SGCZ: variants seen among roughly 807,000 people sequenced by gnomAD.
SGCZ encodes sarcoglycan zeta, also known as zeta-sarcoglycan.
A neutral mutation model predicts 41.3 loss-of-function variants in SGCZ; 40 were observed. The observed-to-expected ratio is 0.97, with a 90% confidence interval of 0.75 to 1.26. The LOEUF (loss-of-function observed/expected upper bound fraction) is 1.26. Among genes scored for constraint, SGCZ ranks in the 50% most tolerant of loss-of-function variants. SGCZ has a pLI of 0.00. For synonymous variants in SGCZ, 206 were observed against 137.5 expected, an observed-to-expected ratio of 1.50 and a Z score of -3.49; for missense variants, 552 against 369.8, an observed-to-expected ratio of 1.49 and a Z score of -4.04.
chr8:14,788,777 A>G lies in SGCZ; in HGVS notation c.40-233851T>C, dbSNP rs1439806971. Among the ~76,000 whole-genome samples, 3 of 152,134 alleles carry G rather than the reference A, an allele frequency of 2.0e-5. No individual in the cohort carries two copies. The East Asian group carries it at 5.8e-4, about 29-fold the overall frequency. On this transcript the variant is annotated intron_variant, in intron 1 of 7. Coordinates refer to ENST00000382080, the MANE Select transcript of SGCZ (RefSeq NM_139167.4). The stretch of plus-strand genomic sequence containing the variant: ...AGAAATAAAGCGCTAGCTTCCTGCC[A>G]GCCTCCCGTTAAAACATTTTTGTGA...
intron 2 of SGCZ, among the ~76,000 whole-genome samples, chr8:14,389,971 G>A (rs1450221953): frequency 1.3e-5 from 2 of 151,876 alleles, no homozygotes; most frequent in Admixed American, 6.6e-5. Flanking sequence ...AAACGAAGAC[G>A]GGGGATTTTT....
At chr8:14,621,559 G>A (rs187704073) in intron 1 of SGCZ, among the ~76,000 whole-genome samples, 1 of 152,208 alleles carries the variant, frequency 6.6e-6, no homozygotes, top group African/African-American at 2.4e-5. Context: ...AGTTCTGCAT[G>A]CTTAACAAGA....
chr8:14,630,753 G>C (rs1477142844), intron 1 of SGCZ, among the ~76,000 whole-genome samples: 1 of 151,552 alleles, frequency 6.6e-6, no homozygotes, highest in Non-Finnish European at 1.5e-5. Context: ...CCATCATTCT[G>C]AGCAAACTGT....
At chr8:14,702,040 C>G (rs982623151) in intron 1 of SGCZ, among the ~76,000 whole-genome samples, 2 of 151,880 alleles carry the variant, frequency 1.3e-5, no homozygotes, top group African/African-American at 4.8e-5. Context: ...CTTCTTCAGT[C>G]TCATTCAAAA....
chr8:14,484,609 C>T (rs528512105), intron 2 of SGCZ, among the ~76,000 whole-genome samples: 116 of 152,056 alleles, frequency 7.6e-4, no homozygotes, highest in African/African-American at 2.3e-3. Flanking sequence ...TTTTATGTTC[C>T]GTTTTTGCTG....
At chr8:14,184,593 G>T (rs578034430) in intron 4 of SGCZ, among the ~76,000 whole-genome samples, 1 of 152,270 alleles carries the variant, frequency 6.6e-6, no homozygotes, top group South Asian at 2.1e-4. Flanking sequence ...CGGATTGTTT[G>T]ATTATGTTAT....
intron 1 of SGCZ, among the ~76,000 whole-genome samples, chr8:15,012,779 A>G (rs1802887357): frequency 6.7e-6 from 1 of 148,742 alleles, no homozygotes; most frequent in Non-Finnish European, 1.5e-5. Context: ...GTAGGTATAT[A>G]TTTATTTATG....
intron 2 of SGCZ, among the ~76,000 whole-genome samples, chr8:14,453,460 C>T (rs1247479997): frequency 6.6e-6 from 1 of 152,006 alleles, no homozygotes; most frequent in Non-Finnish European, 1.5e-5. Flanking sequence ...TACTAAGTGT[C>T]TCATAACACA....
intron 1 of SGCZ, among the ~76,000 whole-genome samples, chr8:14,749,788 C>T (rs1008663606): frequency 1.3e-5 from 2 of 152,048 alleles, no homozygotes; most frequent in Non-Finnish European, 2.9e-5. Flanking sequence ...TGCCTAAAGT[C>T]TGTGATCCTG....
At chr8:14,860,325 T>A (rs1169825577) in intron 1 of SGCZ, among the ~76,000 whole-genome samples, 1 of 152,000 alleles carries the variant, frequency 6.6e-6, no homozygotes, top group East Asian at 1.9e-4. Context: ...CATTTTACCT[T>A]TCTGATGCAT....
intron 1 of SGCZ, among the ~76,000 whole-genome samples, chr8:14,774,123 C>T (rs2130406835): frequency 1.3e-5 from 2 of 152,102 alleles, no homozygotes; most frequent in Admixed American, 1.3e-4. Flanking sequence ...AGCAGACTGC[C>T]CTCCATAATG....
chr8:14,164,886 T>C, intron 4 of SGCZ, 184 bp from the exon 5 acceptor site: 1 of 724,096 alleles, frequency 1.4e-6, no homozygotes, highest in Non-Finnish European at 2.2e-6. Flanking sequence ...GGAATGTACT[T>C]CTGTGCTAGG....
intron 1 of SGCZ, among the ~76,000 whole-genome samples, chr8:15,215,375 G>T (rs1248058347): frequency 1.3e-5 from 2 of 152,136 alleles, no homozygotes; most frequent in Admixed American, 1.3e-4. Context: ...TCCATTATCT[G>T]AATATAACAT....
chr8:15,002,699 A>T (rs918109506), intron 1 of SGCZ, among the ~76,000 whole-genome samples: 3 of 152,198 alleles, frequency 2.0e-5, no homozygotes, highest in Non-Finnish European at 4.4e-5. Flanking sequence ...TCCATCTTAA[A>T]ATAGAACCAC....
chr8:14,860,641 GAA>G (rs755767469), intron 1 of SGCZ, among the ~76,000 whole-genome samples: 37 of 142,804 alleles, frequency 2.6e-4, no homozygotes, highest in Admixed American at 9.4e-4. Context: ...AAGAGAGAAA[GAA>G]AAGACAGAAA....
intron 3 of SGCZ, among the ~76,000 whole-genome samples, chr8:14,238,520 T>C (rs1396944731): frequency 6.6e-6 from 1 of 152,192 alleles, no homozygotes; most frequent in Non-Finnish European, 1.5e-5. Context: ...TGACTTTTAT[T>C]AGTAATTTAG....
chr8:14,262,138 T>G (rs576678965), intron 3 of SGCZ, among the ~76,000 whole-genome samples: 1 of 152,194 alleles, frequency 6.6e-6, no homozygotes, highest in African/African-American at 2.4e-5. Flanking sequence ...TTTACTGATA[T>G]GCATTAAGGT....
intron 2 of SGCZ, among the ~76,000 whole-genome samples, chr8:14,463,869 T>C (rs1303128544): frequency 6.7e-6 from 1 of 148,590 alleles, no homozygotes; most frequent in Non-Finnish European, 1.5e-5. Context: ...TCTGCATCAG[T>C]TGAGATGATC....
At chr8:14,861,534 A>G (rs1803746933) in intron 1 of SGCZ, among the ~76,000 whole-genome samples, 1 of 152,214 alleles carries the variant, frequency 6.6e-6, no homozygotes, top group African/African-American at 2.4e-5. Context: ...CATGACATAA[A>G]GAACAGTAAA....
Sources: gnomAD v4.1 joint callset for allele counts (sites outside exome capture counted in the v4.1 genomes callset) on GRCh38, gnomAD v4.1.1 for gene constraint, MANE v1.5 for transcripts, NCBI Gene and HGNC (gene_info 2026-07-23, HGNC 2026-07-21) for gene names.